Variants in NLGN4X observed in about 807,000 individuals in gnomAD.
NLGN4X encodes neuroligin-4, X-linked.
Under a neutral mutation model 40.3 loss-of-function variants are expected in NLGN4X, and 3 were observed. That is an observed-to-expected ratio of 0.07 (90% CI 0.03 to 0.19). NLGN4X has a LOEUF of 0.19. Ranked by LOEUF, NLGN4X falls within the 10% of genes least tolerant of loss-of-function variation. The pLI, the probability that NLGN4X is intolerant of heterozygous loss-of-function variation, is 1.00. For missense variants in NLGN4X, 382 were observed against 708.3 expected, an observed-to-expected ratio of 0.54 and a Z score of 5.23; for synonymous variants, 270 against 306.8, an observed-to-expected ratio of 0.88 and a Z score of 1.25.
At chrX:6,083,113 C>G (rs1163593029) in intron 2 of NLGN4X, among the ~76,000 whole-genome samples, 1 of 101,386 alleles carries the variant, frequency 9.9e-6, no homozygotes, top group Non-Finnish European at 2.0e-5. Flanking sequence ...TGCCCGCCAC[C>G]TCGCCCGGCT....
chrX:6,112,885 G>A (rs2039185924), intron 2 of NLGN4X, among the ~76,000 whole-genome samples: 1 of 110,949 alleles, frequency 9.0e-6, no homozygotes, highest in Admixed American at 9.7e-5. Flanking sequence ...ATCAAGGTTA[G>A]TATCAACTGC....
chrX:5,984,342 C>A (rs1602005058), intron 3 of NLGN4X, among the ~76,000 whole-genome samples: 1 of 107,908 alleles, frequency 9.3e-6, no homozygotes, highest in African/African-American at 3.4e-5. Context: ...AAAAAGTAAT[C>A]CAGAATGAAG....
chrX:5,973,886 T>C (rs1231135736), intron 3 of NLGN4X, among the ~76,000 whole-genome samples: 1 of 112,140 alleles, frequency 8.9e-6, no homozygotes, highest in Non-Finnish European at 1.9e-5. Context: ...GTAGCAAGTA[T>C]TTGGAAACAA....
chrX:6,041,574 G>A (rs922997993), intron 2 of NLGN4X, among the ~76,000 whole-genome samples: 2 of 111,801 alleles, frequency 1.8e-5, no homozygotes, highest in East Asian at 5.6e-4. Context: ...ATTCGTAAAT[G>A]AACTTGGGTT....
intron 3 of NLGN4X, among the ~76,000 whole-genome samples, chrX:5,947,808 A>C (rs2034179622): frequency 8.9e-6 from 1 of 112,150 alleles, no homozygotes. Context: ...GTGGGTACAA[A>C]ATTTCAAATA....
At chrX:5,947,990 T>C (rs893619018) in intron 3 of NLGN4X, among the ~76,000 whole-genome samples, 5 of 111,892 alleles carry the variant, frequency 4.5e-5, no homozygotes, top group Admixed American at 9.5e-5. Flanking sequence ...CCTAAATATA[T>C]GTTAGGCAGA....
chrX:6,177,655 T>C (rs1209110331), intron 1 of NLGN4X, among the ~76,000 whole-genome samples: 2 of 111,753 alleles, frequency 1.8e-5, no homozygotes, highest in Non-Finnish European at 3.8e-5. Context: ...CTACAAAGTT[T>C]TGAAAATACC....
At chrX:5,993,077 A>AT (rs1376797683) in intron 3 of NLGN4X, among the ~76,000 whole-genome samples, 2 of 111,342 alleles carry the variant, frequency 1.8e-5, no homozygotes, top group Non-Finnish European at 3.8e-5. Context: ...AAGTATCCCC[A>AT]TATTCTAAAC....
intron 2 of NLGN4X, among the ~76,000 whole-genome samples, chrX:6,119,124 A>C (rs184900482): frequency 8.9e-6 from 1 of 112,282 alleles, no homozygotes; most frequent in Admixed American, 9.5e-5. Context: ...TTCCATAAAG[A>C]AACACTGTCC....
At chrX:6,153,330 T>C (rs919387889) in intron 1 of NLGN4X, among the ~76,000 whole-genome samples, 1 of 111,548 alleles carries the variant, frequency 9.0e-6, no homozygotes, top group African/African-American at 3.3e-5. Context: ...GAAAACGCAC[T>C]GAAAATCTGG....
chrX:6,018,940 T>C (rs1295317586), intron 3 of NLGN4X, among the ~76,000 whole-genome samples: 1 of 112,465 alleles, frequency 8.9e-6, no homozygotes, highest in Non-Finnish European at 1.9e-5. Flanking sequence ...AAACACTTCA[T>C]TCAAAAAAGC....
At chrX:6,120,159 G>A (rs913673933) in intron 2 of NLGN4X, among the ~76,000 whole-genome samples, 4 of 110,913 alleles carry the variant, frequency 3.6e-5, no homozygotes, top group Non-Finnish European at 5.7e-5. Flanking sequence ...GGGCAATTCT[G>A]ATTTTTATAG....
intron 3 of NLGN4X, among the ~76,000 whole-genome samples, chrX:5,913,317 T>A (rs2032603897): frequency 9.0e-6 from 1 of 111,364 alleles, no homozygotes; most frequent in Non-Finnish European, 1.9e-5. Context: ...TGGTAGCTCA[T>A]CAACTTGGAA....
At chrX:5,985,773 G>A (rs1328612945) in intron 3 of NLGN4X, among the ~76,000 whole-genome samples, 1 of 111,895 alleles carries the variant, frequency 8.9e-6, no homozygotes, top group African/African-American at 3.2e-5. Context: ...CAAAACCTGA[G>A]TCAACAGAAA....
At chrX:6,155,805 A>G (rs750607046) in intron 1 of NLGN4X, among the ~76,000 whole-genome samples, 26 of 112,447 alleles carry the variant, frequency 2.3e-4, no homozygotes, top group Non-Finnish European at 3.9e-4. Flanking sequence ...AAAATCCACC[A>G]TTTTTCACCA....
chrX:5,918,154 GT>G lies in NLGN4X; in HGVS notation c.626-8916del, dbSNP rs1231201368. ...GATATCTTGAAAAATTACAGAAAAG[GT>G]TTTTTTTTTTTTATTTACGTTTTCA... On this transcript the variant is annotated intron_variant, in intron 3 of 5. Coordinates refer to ENST00000381095, the MANE Select transcript of NLGN4X (RefSeq NM_181332.3). Among the ~76,000 whole-genome samples the G allele has an allele frequency of 6.7e-3, 675 of 100,447 alleles. 3 individuals carry two copies. Among genetic ancestry groups the G allele is most frequent in the African/African-American group, 0.015 (416 of 27,486 alleles). 87.2% of individuals were successfully genotyped at this position (100,447 alleles called of 115,157 possible). A position where few individuals can be genotyped will look rare whatever the true frequency, so the allele number is the denominator to read the frequency against.
rs185187649 is a variant in NLGN4X at position 5,974,420 on chromosome X, G to C, written c.625+54860C>G. On this transcript the variant is annotated intron_variant, in intron 3 of 5. Coordinates refer to ENST00000381095, the MANE Select transcript of NLGN4X (RefSeq NM_181332.3). ...ACACTGCAGTTGGGGAGGCTCAAGCGAAAGGAAGAGGAGAAAACTCTAAAC... is the reference window on the plus strand; with the variant it reads ...ACACTGCAGTTGGGGAGGCTCAAGCCAAAGGAAGAGGAGAAAACTCTAAAC... Among the ~76,000 whole-genome samples, 4 of 111,829 alleles carry C rather than the reference G, an allele frequency of 3.6e-5. No homozygotes were observed. In the Admixed American group the frequency reaches 3.8e-4, roughly 11 times the overall value.
chrX:6,097,325 C>G (rs1186099578), intron 2 of NLGN4X, among the ~76,000 whole-genome samples: 2 of 109,243 alleles, frequency 1.8e-5, no homozygotes, highest in Non-Finnish European at 3.8e-5. Flanking sequence ...AATCTGACTA[C>G]AGACTTACTA....
intron 2 of NLGN4X, among the ~76,000 whole-genome samples, chrX:6,061,120 C>T (rs1414137089): frequency 1.8e-5 from 2 of 111,463 alleles, no homozygotes; most frequent in Non-Finnish European, 3.8e-5. Context: ...TGCCCATTTT[C>T]CCCCTTTGCT....
Sources: allele counts gnomAD v4.1 joint callset (sites outside exome capture counted in the v4.1 genomes callset), GRCh38; gene constraint gnomAD v4.1.1; transcripts MANE v1.5; gene names NCBI Gene and HGNC (gene_info 2026-07-23, HGNC 2026-07-21).